FNBP1: variants seen among roughly 807,000 people sequenced by gnomAD.
FNBP1 encodes the protein formin binding protein 1.
FNBP1 carries 26 observed loss-of-function variants against 90.6 expected under a neutral mutation model. The observed-to-expected ratio is 0.29, with a 90% CI of 0.21 to 0.40. The LOEUF (loss-of-function observed/expected upper bound fraction) is 0.40, where lower values mean the gene tolerates loss of function less well. Ranked by LOEUF, FNBP1 falls within the 10% of genes least tolerant of loss-of-function variation. The probability of loss-of-function intolerance (pLI) is 1.00; values close to 1 mark genes in which losing one functional copy is unlikely to be tolerated. For missense variants in FNBP1, 635 were observed against 768.0 expected (o/e 0.83, Z 2.05); for synonymous variants, 260 against 265.2 (o/e 0.98, Z 0.19).
intron 1 of FNBP1, among the ~76,000 whole-genome samples, chr9:130,022,054 TCAC>T (rs1417280512): frequency 6.6e-6 from 1 of 152,158 alleles, no homozygotes; most frequent in Non-Finnish European, 1.5e-5. Flanking sequence ...AGACAAGGTC[TCAC>T]CATGTTGGCC....
In FNBP1 at chr9:129,980,770, A is replaced by G. The variant is rs2051092576; in HGVS notation, c.141-1396T>C. Among the ~76,000 whole-genome samples, 3 of 151,568 alleles carry G rather than the reference A, an allele frequency of 2.0e-5. No homozygotes were observed. In the East Asian group the frequency reaches 5.9e-4, roughly 30 times the overall value. On this transcript the variant is annotated intron_variant, in intron 2 of 16. Transcript: ENST00000446176. ...CTATAGTTAGAGAAATAGCCATAGCAGCCAGGCACGGTGGCTCATGCCTGT... is the reference window on the plus strand; with the variant it reads ...CTATAGTTAGAGAAATAGCCATAGCGGCCAGGCACGGTGGCTCATGCCTGT...
chr9:130,004,908 A>C (rs551443901), intron 1 of FNBP1, among the ~76,000 whole-genome samples: 1 of 152,104 alleles, frequency 6.6e-6, no homozygotes, highest in East Asian at 1.9e-4. Flanking sequence ...TCTACTAAAA[A>C]CACAAAAATT....
At chr9:130,001,324 C>CAAAAAAAAAAAAAAAAAA (rs748630037) in intron 1 of FNBP1, among the ~76,000 whole-genome samples, 3 of 10,890 alleles carry the variant, frequency 2.8e-4, no homozygotes, top group Non-Finnish European at 4.6e-4. Context: ...AAAAACAAAA[C>CAAAAAAAAAAAAAAAAAA]AAAACAAAAA....
chr9:129,962,210 G>A (rs1482812278), intron 4 of FNBP1, among the ~76,000 whole-genome samples: 7 of 152,184 alleles, frequency 4.6e-5, no homozygotes. Flanking sequence ...TTCCTGGAAG[G>A]CTCCTCCAGC....
At chr9:130,048,059 C>T (rs1395839684), upstream of FNBP1, among the ~76,000 whole-genome samples, 3 of 151,876 alleles carry the variant, frequency 2.0e-5, no homozygotes, top group Non-Finnish European at 4.4e-5. Context: ...GTGGCTCACG[C>T]CTGTAATCCC....
At chr9:130,004,076 T>C (rs2055287255) in intron 1 of FNBP1, among the ~76,000 whole-genome samples, 1 of 151,888 alleles carries the variant, frequency 6.6e-6, no homozygotes, top group Non-Finnish European at 1.5e-5. Flanking sequence ...AGGTCAACTT[T>C]AATATGGTGT....
At chr9:130,043,929 A>C (rs747242578), upstream of FNBP1, among the ~76,000 whole-genome samples, 5 of 152,340 alleles carry the variant, frequency 3.3e-5, no homozygotes, top group Middle Eastern at 0.01. Context: ...GGAGGCGGAC[A>C]ATTGCTCCAC....
chr9:129,956,236 T>C (rs2046924716), intron 6 of FNBP1, among the ~76,000 whole-genome samples: 1 of 152,164 alleles, frequency 6.6e-6, no homozygotes, highest in Admixed American at 6.6e-5. Context: ...TACCTAGTCT[T>C]TAAGCAAGGA....
Position 129,908,977 on chromosome 9 carries a change from C to A in FNBP1, c.1208G>T (p.Ser403Ile). 6.2e-7 allele frequency: 1 copy of A among 1,613,314 alleles called. No individual in the cohort carries two copies. The highest frequency in any genetic ancestry group is 1.1e-5 in the South Asian group (1 of 91,036). The change falls in exon 12 of 17, where the codon AGC (serine) becomes ATC (isoleucine). Residue 403 changes from serine (S) to isoleucine (I), a missense_variant. Physicochemically the swap from Ser to Ile is moderately radical, Grantham distance 142. Coordinates refer to ENST00000446176, the MANE Select transcript of FNBP1 (RefSeq NM_015033.3). ...LKLGATPEDF[S>I]NLPPEQRRKK... Reference sequence around the variant, plus strand: ...CCTTCTTTGTTCAGGTGGGAGGTTGCTGAAATCCTCCGGTGTTGCACCCTG... The same window carrying A: ...CCTTCTTTGTTCAGGTGGGAGGTTGATGAAATCCTCCGGTGTTGCACCCTG...
chr9:129,926,885 CAAAAAGAAAAAAAA>C (rs1012333411), intron 8 of FNBP1, among the ~76,000 whole-genome samples: 1 of 126,300 alleles, frequency 7.9e-6, no homozygotes, highest in Non-Finnish European at 1.7e-5. Context: ...GATTCCATCT[CAAAAAGAAAAAAAA>C]AAAAAGAAAA....
At chr9:129,914,341 G>A (rs1482016578) in intron 11 of FNBP1, among the ~76,000 whole-genome samples, 1 of 151,872 alleles carries the variant, frequency 6.6e-6, no homozygotes, top group African/African-American at 2.4e-5. Context: ...CCCAGCCAGC[G>A]CTTCACTTCT....
Position 129,896,831 on chromosome 9 carries a change from A to G in FNBP1, c.1688-835T>C, listed in dbSNP as rs1027694930. 7.9e-5 allele frequency among the ~76,000 whole-genome samples: 12 copies of G among 151,544 alleles called. 1 individual carries two copies. The highest frequency in any genetic ancestry group is 7.4e-5 in the Non-Finnish European group (5 of 67,922). ...TTTTTAGTAGAGACGAGGTTTCACC[A>G]TGTTGGTCAGGCTGGTCTTGAACTC... On this transcript the variant is annotated intron_variant, in intron 15 of 16. Coordinates refer to ENST00000446176, the MANE Select transcript of FNBP1 (RefSeq NM_015033.3).
At position 129,890,463 on chromosome 9, in the gene FNBP1, G is replaced by T; in HGVS notation, c.*76C>A. 7.9e-7 allele frequency: 1 copy of T among 1,264,302 alleles called. No individual in the cohort carries two copies. The highest frequency in any genetic ancestry group is 1.1e-6 in the Non-Finnish European group (1 of 883,542). 78.3% of individuals were successfully genotyped at this position (1,264,302 alleles called of 1,614,324 possible). ...AGGGGTGGGCTGTCCACAGGGCAGG[G>T]CGCTGGAGGCCTGTGGGAACAAGCA... On this transcript the variant is annotated 3_prime_UTR_variant, in exon 17 of 17. Transcript: ENST00000446176. The surrounding 1 kb of genome is among the most constrained non-coding windows in gnomAD (Gnocchi z 5.8).
At chr9:130,039,640 C>A (rs1309840858) in intron 1 of FNBP1, among the ~76,000 whole-genome samples, 1 of 148,080 alleles carries the variant, frequency 6.8e-6, no homozygotes, top group African/African-American at 2.5e-5. Context: ...CGTGACAGTG[C>A]ACTCCAGCCT....
At chr9:129,984,071 C>G (rs541494604) in intron 2 of FNBP1, among the ~76,000 whole-genome samples, 3 of 151,904 alleles carry the variant, frequency 2.0e-5, no homozygotes, top group Non-Finnish European at 4.4e-5. Flanking sequence ...CTTACTCGGC[C>G]CTATTCCAGA....
intron 10 of FNBP1, among the ~76,000 whole-genome samples, chr9:129,923,088 C>A (rs1004702032): frequency 2.6e-5 from 4 of 151,880 alleles, no homozygotes; most frequent in Non-Finnish European, 5.9e-5. Flanking sequence ...GTTTTGAACT[C>A]CTGAGCTCAA....
At chr9:129,988,334 T>TGAGGCCG (rs2052607260) in intron 2 of FNBP1, among the ~76,000 whole-genome samples, 1 of 151,386 alleles carries the variant, frequency 6.6e-6, no homozygotes, top group African/African-American at 2.5e-5. Flanking sequence ...CTACCTTGAA[T>TGAGGCCG]AGATAGTGAC....
chr9:129,932,898 G>C lies in FNBP1; in HGVS notation c.514-3203C>G, dbSNP rs555054869. Among the ~76,000 whole-genome samples the C allele has an allele frequency of 4.6e-5, 7 of 151,998 alleles. No individual in the cohort carries two copies. In the South Asian group the frequency reaches 1.5e-3, roughly 32 times the overall value. The stretch of plus-strand genomic sequence containing the variant: ...TGCATTCCATCTGTTCCCCGAGCCC[G>C]TCCAGCACAAATGCCCTATTAACTC... On this transcript the variant is annotated intron_variant, in intron 6 of 16. Transcript: ENST00000446176.
upstream of FNBP1, among the ~76,000 whole-genome samples, chr9:130,044,001 C>G (rs371452047): frequency 2.6e-5 from 4 of 152,210 alleles, no homozygotes; most frequent in African/African-American, 9.6e-5. Context: ...TCTCACTGCC[C>G]GGCGGTGAGG....
Sources: gnomAD v4.1 joint callset for allele counts (sites outside exome capture counted in the v4.1 genomes callset) on GRCh38, gnomAD v4.1.1 for gene constraint, Gnocchi (gnomAD v3.1) non-coding constraint, MANE v1.5 for transcripts, NCBI Gene and HGNC (gene_info 2026-07-23, HGNC 2026-07-21) for gene names.